The following STYXL1 variants were observed in gnomAD, a reference collection of about 807,000 sequenced individuals.
The protein encoded by STYXL1 is serine/threonine/tyrosine interacting like 1.
A neutral mutation model predicts 36.4 loss-of-function variants in STYXL1; 32 were observed. The ratio of observed to expected loss-of-function variants is 0.88; its 90% CI spans 0.66 to 1.18. The LOEUF (loss-of-function observed/expected upper bound fraction) is 1.18. Ranked by LOEUF, STYXL1 falls within the 50% of genes most tolerant of loss-of-function variation. The probability of loss-of-function intolerance (pLI) is 0.00; values close to 1 mark genes in which losing one functional copy is unlikely to be tolerated. For missense variants in STYXL1, 354 were observed against 394.1 expected (o/e 0.90, Z 0.86); for synonymous variants, 133 against 144.1 (o/e 0.92, Z 0.55).
At chr7:76,040,325 T>C (rs1292701859) in intron 1 of STYXL1, among the ~76,000 whole-genome samples, 2 of 152,170 alleles carry the variant, frequency 1.3e-5, no homozygotes, top group Non-Finnish European at 2.9e-5. Flanking sequence ...GGCTGTGACC[T>C]GGCTTTGCTC....
At chr7:76,044,115 G>C (rs1796731875) in intron 1 of STYXL1, 1 of 152,170 alleles carries the variant, frequency 6.6e-6, no homozygotes. Context: ...AATTACCTTG[G>C]TATTTCCTTA....
intron 1 of STYXL1, among the ~76,000 whole-genome samples, chr7:76,039,750 C>T (rs1323449566): frequency 6.6e-6 from 1 of 152,138 alleles, no homozygotes; most frequent in African/African-American, 2.4e-5. Flanking sequence ...CAAGTTCAAG[C>T]AATTCTCCTG....
At chr7:76,032,887 C>A (rs868907546) in intron 1 of STYXL1, among the ~76,000 whole-genome samples, 15 of 152,212 alleles carry the variant, frequency 9.9e-5, no homozygotes, top group African/African-American at 3.4e-4. Flanking sequence ...TAAGAACATT[C>A]TGCTTGGAGC....
chr7:76,041,851 G>A, intron 1 of STYXL1, among the ~76,000 whole-genome samples: 1 of 152,222 alleles, frequency 6.6e-6, no homozygotes, highest in East Asian at 1.9e-4. Flanking sequence ...AGCTGTCTTG[G>A]CAGATGAATG....
At chr7:75,999,549 G>GTA (rs1455118569) in intron 8 of STYXL1, among the ~76,000 whole-genome samples, 2 of 82,000 alleles carry the variant, frequency 2.4e-5, no homozygotes, top group African/African-American at 8.8e-5. Context: ...GTGTGTGTGT[G>GTA]TGTATATTTT....
intron 8 of STYXL1, among the ~76,000 whole-genome samples, chr7:75,997,715 A>C (rs562386216): frequency 7.9e-5 from 12 of 152,246 alleles, no homozygotes; most frequent in African/African-American, 2.9e-4. Flanking sequence ...AAAACCCTAA[A>C]GATTACACAC....
At chr7:76,042,112 G>C (rs1796524450) in intron 1 of STYXL1, among the ~76,000 whole-genome samples, 1 of 152,200 alleles carries the variant, frequency 6.6e-6, no homozygotes, top group Admixed American at 6.5e-5. Context: ...ATATGTCTGT[G>C]ACCTTGGTAT....
chr7:76,022,064 G>A (rs1191463662), intron 3 of STYXL1, 72 bp from the exon 4 acceptor site: 19 of 1,564,440 alleles, frequency 1.2e-5, no homozygotes, highest in Admixed American at 1.9e-5. Flanking sequence ...GAGACTCCCT[G>A]CATAGCAGCA....
intron 1 of STYXL1, among the ~76,000 whole-genome samples, chr7:76,038,538 G>A (rs1045371238): frequency 1.4e-5 from 2 of 147,194 alleles, no homozygotes; most frequent in African/African-American, 5.0e-5. Context: ...CCATTCTCCT[G>A]CCTCAGCCTC....
rs797039890 is a variant in STYXL1, at chr7:76,016,887, CACAT to C, written c.308-3004_308-3001del. Reference sequence around the variant, plus strand: ...AACCCAGCAATCCCATTACTATGTACACATCCAAAAGAAAATATATTGTTACACC... The same window carrying C: ...AACCCAGCAATCCCATTACTATGTACCCAAAAGAAAATATATTGTTACACC... On this transcript the variant is annotated intron_variant, in intron 4 of 8. Coordinates refer to ENST00000359697, the MANE Select transcript of STYXL1 (RefSeq NM_001317785.2). 3.1e-4 allele frequency among the ~76,000 whole-genome samples: 47 copies of C among 152,254 alleles called. 1 individual carries two copies. Among genetic ancestry groups the C allele is most frequent in the African/African-American group, 1.0e-3 (43 of 41,544 alleles).
intron 3 of STYXL1, among the ~76,000 whole-genome samples, chr7:76,023,097 C>A (rs1018656310): frequency 1.8e-4 from 28 of 152,080 alleles, no homozygotes; most frequent in Non-Finnish European, 3.7e-4. Flanking sequence ...AAACCTAAAG[C>A]AGCTGGCTTT....
intron 5 of STYXL1, among the ~76,000 whole-genome samples, chr7:76,009,926 C>T (rs531148391): frequency 3.3e-5 from 5 of 152,292 alleles, no homozygotes; most frequent in African/African-American, 4.8e-5. Flanking sequence ...CACAACCCTG[C>T]GCCTTCTTCC....
intron 5 of STYXL1, among the ~76,000 whole-genome samples, chr7:76,013,224 G>A (rs1173707886): frequency 6.6e-6 from 1 of 151,782 alleles, no homozygotes; most frequent in African/African-American, 2.4e-5. Context: ...TACTTGGGAG[G>A]CCGAGGCAGG....
chr7:76,022,998 G>A (rs1794263927), intron 3 of STYXL1, among the ~76,000 whole-genome samples: 1 of 152,102 alleles, frequency 6.6e-6, no homozygotes, highest in African/African-American at 2.4e-5. Context: ...ATCATAAGAT[G>A]TACTAACAAT....
intron 1 of STYXL1, among the ~76,000 whole-genome samples, chr7:76,043,393 A>C (rs12533120): frequency 2.0e-5 from 3 of 151,814 alleles, no homozygotes; most frequent in African/African-American, 7.3e-5. Context: ...CACCCACCTC[A>C]GCCTCCCGAA....
intron 1 of STYXL1, among the ~76,000 whole-genome samples, chr7:76,043,006 G>A (rs1796619269): frequency 6.6e-6 from 1 of 152,200 alleles, no homozygotes; most frequent in South Asian, 2.1e-4. Flanking sequence ...GCAAGAAGAG[G>A]TAGCTGCATT....
intron 3 of STYXL1, among the ~76,000 whole-genome samples, chr7:76,022,335 T>C (rs1794175683): frequency 6.6e-6 from 1 of 152,052 alleles, no homozygotes; most frequent in Non-Finnish European, 1.5e-5. Context: ...TCCTTTCTCA[T>C]GGGGAGAGTG....
chr7:76,016,403 A>T (rs1170839635), intron 4 of STYXL1, among the ~76,000 whole-genome samples: 1 of 151,624 alleles, frequency 6.6e-6, no homozygotes, highest in African/African-American at 2.4e-5. Flanking sequence ...GTGTATATAT[A>T]CGTATATCTA....
chr7:76,016,602 A>G (rs1793409202), intron 4 of STYXL1, among the ~76,000 whole-genome samples: 1 of 152,152 alleles, frequency 6.6e-6, no homozygotes, highest in African/African-American at 2.4e-5. Context: ...CACTTTTCAA[A>G]AGACATACAA....
Sources: allele counts gnomAD v4.1 joint callset (sites outside exome capture counted in the v4.1 genomes callset), GRCh38; gene constraint gnomAD v4.1.1; transcripts MANE v1.5; gene names NCBI Gene and HGNC (gene_info 2026-07-23, HGNC 2026-07-21).